Variants in ADAM10 observed in about 807,000 individuals in gnomAD.
ADAM10 encodes the protein ADAM metallopeptidase domain 10, also known as disintegrin and metalloproteinase domain-containing protein 10.
A neutral mutation model predicts 90.1 loss-of-function variants in ADAM10; 17 were observed. The ratio of observed to expected loss-of-function variants is 0.19; its 90% CI spans 0.13 to 0.28. The LOEUF is 0.28. Ranked by LOEUF, ADAM10 falls within the 10% of genes least tolerant of loss-of-function variation. The probability of loss-of-function intolerance (pLI) is 1.00; values close to 1 mark genes in which losing one functional copy is unlikely to be tolerated. For missense variants in ADAM10, 610 were observed against 914.3 expected (o/e 0.67, Z 4.29); for synonymous variants, 310 against 298.6 (o/e 1.04, Z -0.40).
chr15:58,600,806 T>C (rs1895087510), intron 14 of ADAM10, among the ~76,000 whole-genome samples: 1 of 152,198 alleles, frequency 6.6e-6, no homozygotes, highest in Non-Finnish European at 1.5e-5. Context: ...GCTTCAAAAC[T>C]GAACCTTTAC....
intron 14 of ADAM10, among the ~76,000 whole-genome samples, chr15:58,605,594 C>A (rs748543688): frequency 2.0e-5 from 3 of 152,086 alleles, no homozygotes; most frequent in African/African-American, 7.2e-5. Context: ...AAATTGCCCA[C>A]CTGTTAGTCT....
chr15:58,600,350 C>T (rs1341410073), intron 14 of ADAM10, among the ~76,000 whole-genome samples: 7 of 152,144 alleles, frequency 4.6e-5, no homozygotes, highest in African/African-American at 1.7e-4. Context: ...TACTCTTTAA[C>T]CTACATTGCT....
chr15:58,731,845 T>A (rs1052011563), intron 1 of ADAM10, among the ~76,000 whole-genome samples: 1 of 152,062 alleles, frequency 6.6e-6, no homozygotes, highest in Non-Finnish European at 1.5e-5. Context: ...GGCCTGGTCT[T>A]GAAAGACGTT....
intron 2 of ADAM10, chr15:58,692,680 G>C (rs765502645): frequency 1.1e-5 from 6 of 562,456 alleles, no homozygotes; most frequent in East Asian, 4.8e-5. Context: ...CCTGTCAATG[G>C]GCTCACCATG....
intron 1 of ADAM10, among the ~76,000 whole-genome samples, chr15:58,725,727 C>T (rs1180451116): frequency 6.6e-6 from 1 of 151,910 alleles, no homozygotes; most frequent in Non-Finnish European, 1.5e-5. Context: ...ACTGACAGCA[C>T]ACTCTATGTT....
intron 11 of ADAM10, among the ~76,000 whole-genome samples, chr15:58,619,913 A>C (rs1457322385): frequency 1.3e-5 from 2 of 152,036 alleles, no homozygotes; most frequent in African/African-American, 4.8e-5. Flanking sequence ...CAAAAAAAAA[A>C]ATTTAAAAAA....
At chr15:58,602,017 A>G (rs1353587259) in intron 14 of ADAM10, among the ~76,000 whole-genome samples, 2 of 152,164 alleles carry the variant, frequency 1.3e-5, no homozygotes, top group Non-Finnish European at 2.9e-5. Flanking sequence ...AAATTTTACC[A>G]TGATTCTTGT....
intron 4 of ADAM10, among the ~76,000 whole-genome samples, chr15:58,670,349 T>G (rs905436727): frequency 2.0e-5 from 3 of 152,168 alleles, no homozygotes; most frequent in Admixed American, 2.0e-4. Flanking sequence ...TGGCAATATG[T>G]ATCAAAATGC....
In ADAM10 at chr15:58,665,061, CA is replaced by C. The variant is rs778076459; in HGVS notation, c.585+35del. The C allele has an allele frequency of 2.8e-6, 4 of 1,447,334 alleles. No homozygotes were observed. In the African/African-American group the frequency reaches 5.6e-5, roughly 20 times the overall value. 89.7% of individuals were successfully genotyped at this position (1,447,334 alleles called of 1,614,324 possible). A position where few individuals can be genotyped will look rare whatever the true frequency, so the allele number is the denominator to read the frequency against. On this transcript the variant is annotated intron_variant, in intron 5 of 15. Transcript: ENST00000260408. ...AGATATACATCCTCAAATTCATTTC[CA>C]TTTCCTAAATGCAAGCTAGTGTTAA...
rs539976946 is a variant in ADAM10, at chr15:58,745,125, G to A, written c.55+4355C>T. 2.0e-5 allele frequency among the ~76,000 whole-genome samples: 3 copies of A among 152,346 alleles called. No homozygotes were observed. The East Asian group carries it at 5.8e-4, about 29-fold the overall frequency. ...TTGAACCTGGCAGACGGAGGTTGCAGTGAGCCAAGATCGTGCCACTGCACT... is the reference window on the plus strand; with the variant it reads ...TTGAACCTGGCAGACGGAGGTTGCAATGAGCCAAGATCGTGCCACTGCACT... On this transcript the variant is annotated intron_variant, in intron 1 of 15. Transcript: ENST00000260408.
chr15:58,733,307 GT>G (rs146915750), intron 1 of ADAM10, among the ~76,000 whole-genome samples: 14,449 of 152,248 alleles, frequency 0.095, 900 homozygotes, highest in Middle Eastern at 0.16. Flanking sequence ...AAACCTGGTG[GT>G]TCTTCATCCC....
intron 2 of ADAM10, among the ~76,000 whole-genome samples, chr15:58,705,459 T>C (rs767453193): frequency 2.0e-5 from 3 of 152,180 alleles, no homozygotes. Context: ...TAACAAATGA[T>C]AGCAAATTTT....
intron 15 of ADAM10, among the ~76,000 whole-genome samples, chr15:58,598,926 C>T (rs1003117838): frequency 6.6e-6 from 1 of 152,194 alleles, no homozygotes; most frequent in East Asian, 1.9e-4. Flanking sequence ...GAATCCTCTA[C>T]TCTAAGACTT....
Position 58,675,443 on chromosome 15 carries a change from T to C in ADAM10, c.484+3681A>G, listed in dbSNP as rs992211785. Among the ~76,000 whole-genome samples the C allele has an allele frequency of 4.6e-5, 7 of 152,190 alleles. 1 individual carries two copies. Among genetic ancestry groups the C allele is most frequent in the Admixed American group, 2.6e-4 (4 of 15,288 alleles). ...TTGCAAGCAGTCATATAGTCAGATA[T>C]TCCTAAAACCTGTTCATGTTAATAA... On this transcript the variant is annotated intron_variant, in intron 4 of 15. Coordinates refer to ENST00000260408, the MANE Select transcript of ADAM10 (RefSeq NM_001110.4).
rs866187077 is a variant in ADAM10, at chr15:58,713,918, T to C, written c.206+3659A>G. Among the ~76,000 whole-genome samples the C allele has an allele frequency of 9.9e-5, 15 of 152,036 alleles. No individual in the cohort carries two copies. In the Middle Eastern group the frequency reaches 0.014, roughly 138 times the overall value. On this transcript the variant is annotated intron_variant, in intron 2 of 15. Transcript: ENST00000260408. ...ACCTCTGTGTCCCTGGTTCAAGCGA[T>C]TGTCATGCCTCAGCCTCTTGAGTAG...
intron 14 of ADAM10, among the ~76,000 whole-genome samples, chr15:58,604,846 G>A (rs1170539214): frequency 2.6e-5 from 4 of 152,098 alleles, no homozygotes; most frequent in African/African-American, 9.7e-5. Context: ...CTCCTGGGCT[G>A]TGGTGATCCT....
chr15:58,648,183 T>C (rs575039643), intron 5 of ADAM10, among the ~76,000 whole-genome samples: 2 of 152,326 alleles, frequency 1.3e-5, no homozygotes, highest in East Asian at 1.9e-4. Flanking sequence ...ACCTGATATA[T>C]ACACAATAAA....
At chr15:58,624,380 T>C (rs1466865130) in intron 10 of ADAM10, among the ~76,000 whole-genome samples, 1 of 152,242 alleles carries the variant, frequency 6.6e-6, no homozygotes, top group African/African-American at 2.4e-5. Context: ...TAGTAATAAT[T>C]TTATAATTCA....
At chr15:58,612,426 T>C (rs1595989851) in intron 11 of ADAM10, among the ~76,000 whole-genome samples, 1 of 152,258 alleles carries the variant, frequency 6.6e-6, no homozygotes, top group South Asian at 2.1e-4. Context: ...GCACCCTGCT[T>C]CCCTGGAGCT....
Sources: gnomAD v4.1 joint callset for allele counts (sites outside exome capture counted in the v4.1 genomes callset) on GRCh38, gnomAD v4.1.1 for gene constraint, MANE v1.5 for transcripts, NCBI Gene and HGNC (gene_info 2026-07-23, HGNC 2026-07-21) for gene names.